The following PTPRM variants were observed in gnomAD, a reference collection of about 807,000 sequenced individuals.
The protein encoded by PTPRM is receptor-type tyrosine-protein phosphatase mu.
In PTPRM, 47 loss-of-function variants were observed where a neutral mutation model predicts 186.7. The ratio of observed to expected loss-of-function variants is 0.25; its 90% CI spans 0.20 to 0.32. The LOEUF (loss-of-function observed/expected upper bound fraction) is 0.32, where lower values mean the gene tolerates loss of function less well. Ranked by LOEUF, PTPRM falls within the 10% of genes least tolerant of loss-of-function variation. The pLI, the probability that PTPRM is intolerant of heterozygous loss-of-function variation, is 1.00. For synonymous variants in PTPRM, 668 were observed against 674.9 expected (o/e 0.99, Z 0.16); for missense variants, 1,494 against 1,865.0 (o/e 0.80, Z 3.66).
intron 11 of PTPRM, among the ~76,000 whole-genome samples, chr18:8,089,389 C>T (rs2090598059): frequency 6.6e-6 from 1 of 152,088 alleles, no homozygotes; most frequent in African/African-American, 2.4e-5. Context: ...AACATCTAGG[C>T]CCGCATCTTA....
intron 14 of PTPRM, among the ~76,000 whole-genome samples, chr18:8,232,837 C>T (rs903245156): frequency 6.6e-6 from 1 of 152,188 alleles, no homozygotes; most frequent in Non-Finnish European, 1.5e-5. Flanking sequence ...TCAGGGGGCA[C>T]CTTGCTTCTA....
chr18:8,120,508 C>CTT (rs2092130446), intron 13 of PTPRM, among the ~76,000 whole-genome samples: 1 of 45,926 alleles, frequency 2.2e-5, no homozygotes, highest in Non-Finnish European at 4.4e-5. Context: ...TTTTTTTTTT[C>CTT]TTGAGACAGT....
At chr18:7,626,482 T>G (rs2038065370) in intron 1 of PTPRM, among the ~76,000 whole-genome samples, 1 of 152,136 alleles carries the variant, frequency 6.6e-6, no homozygotes, top group Non-Finnish European at 1.5e-5. Flanking sequence ...AGCCTGGACA[T>G]GAGTGACCTG....
chr18:8,079,708 G>A (rs2090024659), intron 9 of PTPRM, among the ~76,000 whole-genome samples: 1 of 152,006 alleles, frequency 6.6e-6, no homozygotes, highest in African/African-American at 2.4e-5. Context: ...AAGGTAGGAA[G>A]ACATTTTTGT....
chr18:8,276,511 T>C (rs1350148022), intron 19 of PTPRM, among the ~76,000 whole-genome samples: 2 of 152,196 alleles, frequency 1.3e-5, no homozygotes, highest in South Asian at 2.1e-4. Flanking sequence ...AATATTTTTA[T>C]CCTAACAGCA....
At chr18:7,838,122 C>A (rs1283091810) in intron 2 of PTPRM, among the ~76,000 whole-genome samples, 1 of 152,130 alleles carries the variant, frequency 6.6e-6, no homozygotes, top group African/African-American at 2.4e-5. Context: ...TTCATTGACT[C>A]ACAGGTACAC....
At chr18:7,779,939 C>T (rs1317077771) in intron 2 of PTPRM, among the ~76,000 whole-genome samples, 1 of 152,108 alleles carries the variant, frequency 6.6e-6, no homozygotes, top group African/African-American at 2.4e-5. Flanking sequence ...CCTGGATGGG[C>T]TTACGATTAT....
chr18:8,038,203 C>T (rs545603252), intron 7 of PTPRM, among the ~76,000 whole-genome samples: 4 of 151,936 alleles, frequency 2.6e-5, no homozygotes, highest in African/African-American at 9.7e-5. Context: ...TCAGATTTAC[C>T]CCTGAAATGG....
intron 20 of PTPRM, among the ~76,000 whole-genome samples, chr18:8,308,547 G>T (rs1445325650): frequency 6.6e-6 from 1 of 152,132 alleles, no homozygotes; most frequent in African/African-American, 2.4e-5. Flanking sequence ...TTTTCAACAT[G>T]CAGTCAGTAT....
rs1331716793 is a variant in PTPRM, at chr18:8,119,593, C to T, written c.2167+4766C>T. ...GTACTTTTTTCATGTCTGAAATAGT[C>T]TTTATAATGTACATCATGAGTATAT... is the stretch of plus-strand genomic sequence containing the variant. On this transcript the variant is annotated intron_variant, in intron 13 of 32. Transcript: ENST00000580170. Among the ~76,000 whole-genome samples the T allele has an allele frequency of 3.3e-5, 5 of 152,062 alleles. No homozygotes were observed. The South Asian group carries it at 8.3e-4, about 25-fold the overall frequency.
At chr18:7,594,063 C>T (rs894284934) in intron 1 of PTPRM, among the ~76,000 whole-genome samples, 1 of 152,116 alleles carries the variant, frequency 6.6e-6, no homozygotes, top group Non-Finnish European at 1.5e-5. Flanking sequence ...CGACCCTCTC[C>T]GTTCTTTCCC....
chr18:8,334,469 G>A (rs903512341), intron 22 of PTPRM, among the ~76,000 whole-genome samples: 21 of 152,144 alleles, frequency 1.4e-4, no homozygotes, highest in South Asian at 4.1e-4. Flanking sequence ...TATAGGCTCT[G>A]ACCTTCCTGC....
chr18:7,667,009 T>G (rs1301220207), intron 1 of PTPRM, among the ~76,000 whole-genome samples: 1 of 152,158 alleles, frequency 6.6e-6, no homozygotes, highest in Non-Finnish European at 1.5e-5. Context: ...AGATTTTCAG[T>G]AAACAATACT....
At position 7,957,451 on chromosome 18, in the gene PTPRM, C is replaced by T. The variant is rs1431821777; in HGVS notation, c.1132+2037C>T. Among the ~76,000 whole-genome samples the T allele has an allele frequency of 2.0e-5, 3 of 152,294 alleles. No homozygotes were observed. In the East Asian group the frequency reaches 5.8e-4, roughly 29 times the overall value. ...TGTGCCTCAATGTATGAAACCTCAC[C>T]TAAACCAGGAAGCCTAATGACGATG... On this transcript the variant is annotated intron_variant, in intron 7 of 32. Transcript: ENST00000580170.
At chr18:7,670,395 G>C (rs2039193765) in intron 1 of PTPRM, among the ~76,000 whole-genome samples, 1 of 152,104 alleles carries the variant, frequency 6.6e-6, no homozygotes. Context: ...TTGATTTAAA[G>C]TATGTTTTCA....
At chr18:8,116,325 C>T (rs955223472) in intron 13 of PTPRM, among the ~76,000 whole-genome samples, 18 of 152,208 alleles carry the variant, frequency 1.2e-4, no homozygotes, top group Non-Finnish European at 1.3e-4. Context: ...GTTTTGAAAT[C>T]TCTTTCATGC....
intron 1 of PTPRM, among the ~76,000 whole-genome samples, chr18:7,672,905 C>T (rs2144501852): frequency 6.6e-6 from 1 of 152,304 alleles, no homozygotes; most frequent in Admixed American, 6.5e-5. Context: ...CCTGCGTGCA[C>T]ACCTAGGCCA....
intron 1 of PTPRM, among the ~76,000 whole-genome samples, chr18:7,733,276 C>T (rs993331472): frequency 6.6e-6 from 1 of 151,994 alleles, no homozygotes; most frequent in Non-Finnish European, 1.5e-5. Context: ...GTGTTGTTCT[C>T]CTCCTTGGTT....
intron 1 of PTPRM, among the ~76,000 whole-genome samples, chr18:7,728,789 A>G (rs1212180904): frequency 6.6e-6 from 1 of 152,252 alleles, no homozygotes; most frequent in Non-Finnish European, 1.5e-5. Flanking sequence ...TATAATTGTT[A>G]GGAACAGAAA....
Sources: allele counts gnomAD v4.1 joint callset (sites outside exome capture counted in the v4.1 genomes callset), GRCh38; gene constraint gnomAD v4.1.1; transcripts MANE v1.5; gene names NCBI Gene and HGNC (gene_info 2026-07-23, HGNC 2026-07-21).